Variants in DSCAML1 observed in about 807,000 individuals in gnomAD.
The protein encoded by DSCAML1 is cell adhesion molecule DSCAML1.
In DSCAML1, 38 loss-of-function variants were observed where a neutral mutation model predicts 200.5. The observed-to-expected ratio is 0.19, with a 90% confidence interval of 0.15 to 0.25. The LOEUF (loss-of-function observed/expected upper bound fraction) is 0.25, where lower values mean the gene tolerates loss of function less well. Among genes scored for constraint, DSCAML1 ranks in the 10% least tolerant of loss-of-function variants. The pLI, the probability that DSCAML1 is intolerant of heterozygous loss-of-function variation, is 1.00. For synonymous variants in DSCAML1, 1,215 were observed against 1,165.0 expected (o/e 1.04, Z -0.87); for missense variants, 2,223 against 2,858.8 (o/e 0.78, Z 5.07).
chr11:117,470,155 CA>C (rs1183697142), intron 15 of DSCAML1, among the ~76,000 whole-genome samples, 175 bp from the exon 16 acceptor site: 1 of 152,192 alleles, frequency 6.6e-6, no homozygotes, highest in Non-Finnish European at 1.5e-5. Flanking sequence ...CATAGGGTTT[CA>C]ATTTCCTCTT....
At chr11:117,766,630 A>C (rs2054902000) in intron 3 of DSCAML1, among the ~76,000 whole-genome samples, 1 of 152,212 alleles carries the variant, frequency 6.6e-6, no homozygotes, top group Non-Finnish European at 1.5e-5. Context: ...CTCTGTGTCC[A>C]CCGCCAGGGT....
At chr11:117,548,397 G>A (rs965945605) in intron 3 of DSCAML1, among the ~76,000 whole-genome samples, 7 of 152,196 alleles carry the variant, frequency 4.6e-5, no homozygotes, top group Admixed American at 4.6e-4. Flanking sequence ...GCCATGGGGA[G>A]TCCTGCCAGC....
intron 20 of DSCAML1, among the ~76,000 whole-genome samples, chr11:117,448,021 A>C (rs2048214627): frequency 6.6e-6 from 1 of 152,216 alleles, no homozygotes; most frequent in Non-Finnish European, 1.5e-5. Context: ...TGAAGTTCTC[A>C]TCACATCAGC....
chr11:117,532,280 GCTC>G, intron 4 of DSCAML1, 93 bp downstream of exon 4: 1 of 1,251,024 alleles, frequency 8.0e-7, no homozygotes, highest in Non-Finnish European at 1.1e-6. Flanking sequence ...TACACAGGGG[GCTC>G]CTCCATCTGC....
At chr11:117,667,359 C>T (rs2053000315) in intron 3 of DSCAML1, among the ~76,000 whole-genome samples, 1 of 152,178 alleles carries the variant, frequency 6.6e-6, no homozygotes, top group African/African-American at 2.4e-5. Context: ...TTGTAGTGAG[C>T]CAAGATGGCA....
chr11:117,468,152 T>C (rs1220207329), intron 16 of DSCAML1, among the ~76,000 whole-genome samples: 1 of 152,174 alleles, frequency 6.6e-6, no homozygotes, highest in African/African-American at 2.4e-5. Context: ...AAATCAATCT[T>C]AACAATATTT....
chr11:117,703,382 A>G (rs1291772840), intron 3 of DSCAML1, among the ~76,000 whole-genome samples: 1 of 152,166 alleles, frequency 6.6e-6, no homozygotes, highest in Non-Finnish European at 1.5e-5. Flanking sequence ...GGTCTCTACC[A>G]GGGCCCCTGC....
In DSCAML1 at chr11:117,432,409, T is replaced by C. The variant is rs780794982; in HGVS notation, c.5122A>G (p.Thr1708Ala). 3 of 1,613,826 alleles carry C rather than the reference T, an allele frequency of 1.9e-6. No homozygotes were observed. Among genetic ancestry groups the C allele is most frequent in the East Asian group, 2.2e-5 (1 of 44,870 alleles). Residue 1708 changes from threonine to alanine, a missense_variant, in exon 30 of 33, where the codon ACC (threonine) becomes GCC (alanine). Thr to Ala is a moderately conservative substitution (Grantham distance 58). Coordinates refer to ENST00000651296, the MANE Select transcript of DSCAML1 (RefSeq NM_020693.4). The part of the protein sequence containing the change: ...FCTGVSLHHP[T>A]LIQSTGPLID... Reference sequence around the variant, plus strand: ...AGGGGTCCTGTGCTCTGGATGAGGGTTGGGTGGTGCAAGGAGACGCCAGTA... The same window carrying C: ...AGGGGTCCTGTGCTCTGGATGAGGGCTGGGTGGTGCAAGGAGACGCCAGTA...
At chr11:117,699,216 A>T (rs56359135) in intron 3 of DSCAML1, among the ~76,000 whole-genome samples, 14,349 of 152,122 alleles carry the variant, frequency 0.094, 789 homozygotes, top group African/African-American at 0.15. Context: ...GTTTGAGCAG[A>T]CAAAGGCAGG....
chr11:117,497,807 C>T (rs2049320606), intron 11 of DSCAML1, among the ~76,000 whole-genome samples: 1 of 152,254 alleles, frequency 6.6e-6, no homozygotes, highest in African/African-American at 2.4e-5. Context: ...CCAAATCCCA[C>T]AGCTGTGGCA....
intron 3 of DSCAML1, among the ~76,000 whole-genome samples, chr11:117,741,726 C>A (rs1287930729): frequency 6.6e-6 from 1 of 152,194 alleles, no homozygotes; most frequent in Non-Finnish European, 1.5e-5. Context: ...TCCAGCTTCC[C>A]TCCCCATGAA....
chr11:117,702,532 C>G (rs1299844036), intron 3 of DSCAML1, among the ~76,000 whole-genome samples: 2 of 152,108 alleles, frequency 1.3e-5, no homozygotes, highest in East Asian at 3.9e-4. Context: ...TGCTTACCCT[C>G]CTTCACAGCA....
At chr11:117,596,297 C>T (rs1259310829) in intron 3 of DSCAML1, among the ~76,000 whole-genome samples, 1 of 151,904 alleles carries the variant, frequency 6.6e-6, no homozygotes, top group Admixed American at 6.6e-5. Context: ...CTACAAGACT[C>T]TGTTCTTACT....
At chr11:117,815,660 G>T (rs924658141) in intron 1 of DSCAML1, among the ~76,000 whole-genome samples, 3 of 152,060 alleles carry the variant, frequency 2.0e-5, no homozygotes, top group Non-Finnish European at 4.4e-5. Context: ...GAACTTCGGG[G>T]TGTCACTCAG....
In DSCAML1 at chr11:117,467,203, T is replaced by TC. The variant is rs954236519; in HGVS notation, c.3025-2022dup. Among the ~76,000 whole-genome samples, 6 of 95,030 alleles carry TC rather than the reference T, an allele frequency of 6.3e-5. 1 individual carries two copies. The highest frequency in any genetic ancestry group is 1.3e-4 in the Non-Finnish European group (6 of 47,512). 62.3% of individuals were successfully genotyped at this position (95,030 alleles called of 152,430 possible). The stretch of plus-strand genomic sequence containing the variant: ...TGCGCGTGCACACACACCTCCCCCC[T>TC]CCCCCCGCCGCCAATATATCCATTC... On this transcript the variant is annotated intron_variant, in intron 16 of 32. Coordinates refer to ENST00000651296, the MANE Select transcript of DSCAML1 (RefSeq NM_020693.4).
In DSCAML1 at chr11:117,428,456, G is replaced by A. The variant is rs2047708109; in HGVS notation, c.6034C>T (p.Arg2012Ter). The A allele has an allele frequency of 2.0e-6, 3 of 1,532,902 alleles. No homozygotes were observed. The highest frequency in any genetic ancestry group is 1.8e-6 in the Non-Finnish European group (2 of 1,141,278). The allele number at this position is 1,532,902 out of a possible 1,614,324, so 95.0% of individuals were successfully genotyped here. ...APPAPSTEPP[R>*]AGGPHTKMGG... is the part of the protein sequence containing the mutation. ...ATTTTGGTGTGTGGGCCCCCGGCTC[G>A]TGGAGGCTCGGTGCTGGGGGCCGGA... Residue 2012 changes from arginine to a stop codon, truncating the protein, a stop_gained, in exon 33 of 33, where the codon CGA (arginine) becomes TGA (stop). Coordinates refer to ENST00000651296, the MANE Select transcript of DSCAML1 (RefSeq NM_020693.4). LOFTEE classifies it high-confidence loss of function.
At chr11:117,816,358 C>T (rs1305510420) in intron 1 of DSCAML1, among the ~76,000 whole-genome samples, 2 of 152,242 alleles carry the variant, frequency 1.3e-5, no homozygotes, top group Admixed American at 6.5e-5. Flanking sequence ...GCCAGTGACT[C>T]GCTCTGACAA....
chr11:117,584,740 T>G (rs1321611552), intron 3 of DSCAML1, among the ~76,000 whole-genome samples: 1 of 152,238 alleles, frequency 6.6e-6, no homozygotes, highest in Non-Finnish European at 1.5e-5. Flanking sequence ...TGAACGGCTG[T>G]GAACGTTGCT....
intron 3 of DSCAML1, among the ~76,000 whole-genome samples, chr11:117,710,800 C>T (rs960691570): frequency 6.6e-6 from 1 of 152,142 alleles, no homozygotes; most frequent in African/African-American, 2.4e-5. Flanking sequence ...GTGGACAATA[C>T]CATAAATATA....
Sources: allele counts gnomAD v4.1 joint callset (sites outside exome capture counted in the v4.1 genomes callset), GRCh38; gene constraint gnomAD v4.1.1; transcripts MANE v1.5; gene names NCBI Gene and HGNC (gene_info 2026-07-23, HGNC 2026-07-21).